Variants in SIPA1L2 observed in about 807,000 individuals in gnomAD.
The protein encoded by SIPA1L2 is signal-induced proliferation-associated 1-like protein 2.
In SIPA1L2, 56 loss-of-function variants were observed where a neutral mutation model predicts 163.9. The ratio of observed to expected loss-of-function variants is 0.34; its 90% CI spans 0.28 to 0.43. The LOEUF (loss-of-function observed/expected upper bound fraction) is 0.43, where lower values mean the gene tolerates loss of function less well. SIPA1L2 is among the 20% of genes least tolerant of loss of function. The pLI is 1.00. For missense variants in SIPA1L2, 1,974 were observed against 2,193.5 expected (o/e 0.90, Z 2.00); for synonymous variants, 877 against 865.7 (o/e 1.01, Z -0.23).
At chr1:232,629,586 G>A (rs956308306) in intron 1 of SIPA1L2, among the ~76,000 whole-genome samples, 1 of 152,198 alleles carries the variant, frequency 6.6e-6, no homozygotes, top group South Asian at 2.1e-4. Context: ...TGCCTGTGTC[G>A]CCGAGACGGG....
At chr1:232,530,583 A>G (rs1267589993) in intron 2 of SIPA1L2, among the ~76,000 whole-genome samples, 6 of 152,180 alleles carry the variant, frequency 3.9e-5, no homozygotes, top group Non-Finnish European at 8.8e-5. Flanking sequence ...TTCGCTAAAA[A>G]AAAAAGGTTA....
chr1:232,591,730 G>A (rs1660972569), intron 1 of SIPA1L2, among the ~76,000 whole-genome samples: 2 of 152,204 alleles, frequency 1.3e-5, no homozygotes, highest in South Asian at 4.1e-4. Flanking sequence ...TTATGACAAG[G>A]AGAGAGGAAA....
chr1:232,452,769 G>A (rs945517683), intron 10 of SIPA1L2, among the ~76,000 whole-genome samples: 1 of 152,084 alleles, frequency 6.6e-6, no homozygotes, highest in African/African-American at 2.4e-5. Context: ...AGAGAGTTTG[G>A]GCTCTAGGCT....
At chr1:232,490,769 A>T in intron 5 of SIPA1L2, 105 bp downstream of exon 5, 2 of 1,200,330 alleles carry the variant, frequency 1.7e-6, no homozygotes. Context: ...GTTCTAAGGC[A>T]TTTAAAATAA....
At chr1:232,548,622 C>T (rs191473628) in intron 2 of SIPA1L2, among the ~76,000 whole-genome samples, 32 of 152,262 alleles carry the variant, frequency 2.1e-4, no homozygotes, top group Middle Eastern at 3.4e-3. Context: ...TATATACTAA[C>T]GCCCCTACCT....
chr1:232,542,463 GTCT>G (rs1431856116), intron 2 of SIPA1L2, among the ~76,000 whole-genome samples: 1 of 152,156 alleles, frequency 6.6e-6, no homozygotes, highest in Non-Finnish European at 1.5e-5. Context: ...ATCTACTCTA[GTCT>G]TAAGACAGGG....
At chr1:232,520,742 G>A (rs1667425936) in intron 2 of SIPA1L2, among the ~76,000 whole-genome samples, 1 of 152,002 alleles carries the variant, frequency 6.6e-6, no homozygotes, top group African/African-American at 2.4e-5. Context: ...ATGGATAATA[G>A]GACAGGGAAT....
upstream of SIPA1L2, among the ~76,000 whole-genome samples, chr1:232,630,383 G>T (rs563015853): frequency 2.6e-5 from 4 of 152,206 alleles, no homozygotes; most frequent in South Asian, 4.1e-4. Context: ...GGGCTGCGGG[G>T]CGCATCATGA....
At chr1:232,600,421 G>A (rs986493782) in intron 1 of SIPA1L2, among the ~76,000 whole-genome samples, 1 of 151,990 alleles carries the variant, frequency 6.6e-6, no homozygotes, top group Non-Finnish European at 1.5e-5. Context: ...GTTACTTCAA[G>A]CTTCCAACAG....
In SIPA1L2 at chr1:232,439,434, G is replaced by A. The variant is rs371038850; in HGVS notation, c.3705C>T (p.Ser1235=). The change falls in exon 15 of 23, where the codon AGC becomes AGT. Residue 1235 remains serine, a synonymous_variant. Transcript: ENST00000674635. ...SSNTLSSNTS[S]NSDDKHFGSG... is the part of the protein sequence containing the mutation. ...ACCCAAAGTGCTTGTCGTCACTGTTGCTGGAGGTGTTGCTGGAGAGCGTGT... is the reference window on the plus strand; with the variant it reads ...ACCCAAAGTGCTTGTCGTCACTGTTACTGGAGGTGTTGCTGGAGAGCGTGT... 27 of 1,614,114 alleles carry A rather than the reference G, an allele frequency of 1.7e-5. No individual in the cohort carries two copies. The highest frequency in any genetic ancestry group is 2.2e-5 in the Non-Finnish European group (26 of 1,179,960).
At chr1:232,493,889 A>G (rs578205227) in intron 3 of SIPA1L2, among the ~76,000 whole-genome samples, 3 of 152,324 alleles carry the variant, frequency 2.0e-5, no homozygotes, top group East Asian at 3.9e-4. Context: ...TAGTTCATGA[A>G]CAGCAAAAGC....
In SIPA1L2 at chr1:232,410,710, C is replaced by T. The variant is rs190333267; in HGVS notation, c.4762+4784G>A. 1.4e-3 allele frequency among the ~76,000 whole-genome samples: 211 copies of T among 152,142 alleles called. 1 individual carries two copies. The highest frequency in any genetic ancestry group is 2.7e-3 in the Non-Finnish European group (183 of 68,018). On this transcript the variant is annotated intron_variant, in intron 19 of 22. Coordinates refer to ENST00000674635, the MANE Select transcript of SIPA1L2 (RefSeq NM_020808.5). Reference sequence around the variant, plus strand: ...GGGCCTTTGACCGTTTCTTATGCTCCCTGCAACGTTTTCTTGCAAGAAATA... The same window carrying T: ...GGGCCTTTGACCGTTTCTTATGCTCTCTGCAACGTTTTCTTGCAAGAAATA...
chr1:232,552,568 C>G (rs1016836102), intron 2 of SIPA1L2, among the ~76,000 whole-genome samples: 1 of 151,908 alleles, frequency 6.6e-6, no homozygotes, highest in Non-Finnish European at 1.5e-5. Flanking sequence ...TGGGGTCTTG[C>G]TCTGTTGCCC....
chr1:232,522,538 C>T, intron 2 of SIPA1L2, among the ~76,000 whole-genome samples: 1 of 145,284 alleles, frequency 6.9e-6, no homozygotes, highest in Non-Finnish European at 1.5e-5. Flanking sequence ...CCAGACTATT[C>T]TATACCAGTT....
intron 6 of SIPA1L2, among the ~76,000 whole-genome samples, chr1:232,482,636 TTGTGAACTATCC>T (rs1305425985): frequency 6.6e-6 from 1 of 152,158 alleles, no homozygotes; most frequent in Non-Finnish European, 1.5e-5. Context: ...TCGCAGAGGC[TTGTGAACTATCC>T]TGTAACTGCT....
chr1:232,409,874 G>T (rs1051457993), intron 19 of SIPA1L2, among the ~76,000 whole-genome samples: 4 of 152,000 alleles, frequency 2.6e-5, no homozygotes, highest in African/African-American at 9.7e-5. Flanking sequence ...TAAATGTTGG[G>T]GGTGGTTTGT....
chr1:232,597,466 A>G (rs1487810009), intron 1 of SIPA1L2, among the ~76,000 whole-genome samples: 4 of 151,404 alleles, frequency 2.6e-5, no homozygotes, highest in Non-Finnish European at 5.9e-5. Context: ...TCACAAGGTC[A>G]GGAGATCGAG....
At chr1:232,490,763 T>C in intron 5 of SIPA1L2, 111 bp downstream of exon 5, 1 of 1,132,306 alleles carries the variant, frequency 8.8e-7, no homozygotes, top group South Asian at 1.6e-5. Context: ...GAAAATGTTC[T>C]AAGGCATTTA....
chr1:232,412,262 T>C (rs932022963), intron 19 of SIPA1L2, among the ~76,000 whole-genome samples: 26 of 152,166 alleles, frequency 1.7e-4, no homozygotes, highest in Non-Finnish European at 7.3e-5. Context: ...CTGCCAGGGA[T>C]CAATTACACT....
Sources: allele counts gnomAD v4.1 joint callset (sites outside exome capture counted in the v4.1 genomes callset), GRCh38; gene constraint gnomAD v4.1.1; transcripts MANE v1.5; gene names NCBI Gene and HGNC (gene_info 2026-07-23, HGNC 2026-07-21).